The following MAGI2 variants were observed in gnomAD, a reference collection of about 807,000 sequenced individuals.
MAGI2 encodes the protein membrane associated guanylate kinase, WW and PDZ domain containing 2, also known as membrane-associated guanylate kinase, WW and PDZ domain-containing protein 2.
Under a neutral mutation model 133.3 loss-of-function variants are expected in MAGI2, and 35 were observed. The observed-to-expected ratio is 0.26, with a 90% CI of 0.20 to 0.35. The LOEUF (loss-of-function observed/expected upper bound fraction) is 0.35. Ranked by LOEUF, MAGI2 falls within the 10% of genes least tolerant of loss-of-function variation. The pLI is 1.00. For synonymous variants in MAGI2, 729 were observed against 710.6 expected, an observed-to-expected ratio of 1.03 and a Z score of -0.41; for missense variants, 1,636 against 1,863.4, an observed-to-expected ratio of 0.88 and a Z score of 2.25.
chr7:78,992,096 T>C (rs190810718), intron 2 of MAGI2, among the ~76,000 whole-genome samples: 2 of 152,248 alleles, frequency 1.3e-5, no homozygotes, highest in African/African-American at 4.8e-5. Flanking sequence ...GTCATTATTG[T>C]TAAACAAAGA....
At chr7:79,360,170 G>T (rs1366590981) in intron 1 of MAGI2, among the ~76,000 whole-genome samples, 1 of 152,072 alleles carries the variant, frequency 6.6e-6, no homozygotes, top group Non-Finnish European at 1.5e-5. Context: ...ACTATATTTT[G>T]TAAGTGTAAA....
chr7:79,395,239 A>G (rs35831489), intron 1 of MAGI2, among the ~76,000 whole-genome samples: 7,346 of 152,306 alleles, frequency 0.048, 341 homozygotes, highest in East Asian at 0.18. Context: ...AGATAAAGGA[A>G]TATAACATTG....
At chr7:78,154,252 C>A (rs1824168319) in intron 16 of MAGI2, among the ~76,000 whole-genome samples, 1 of 152,226 alleles carries the variant, frequency 6.6e-6, no homozygotes, top group Admixed American at 6.5e-5. Flanking sequence ...TAACTAATTC[C>A]TTCCCTGAGC....
chr7:78,817,671 C>T (rs1007398292), intron 2 of MAGI2, among the ~76,000 whole-genome samples: 1 of 151,726 alleles, frequency 6.6e-6, no homozygotes, highest in Non-Finnish European at 1.5e-5. Flanking sequence ...ATTTTTTAGA[C>T]ATAATGCAAT....
At position 78,019,804 on chromosome 7, in the gene MAGI2, G is replaced by T; in HGVS notation, c.3879C>A (p.Asp1293Glu). The change falls in exon 22 of 22, where the codon GAC becomes GAA. Residue 1293 changes from aspartate (D) to glutamate (E), a missense_variant. Around this residue, in one of 5 missense-constraint regions of MAGI2, gnomAD observed 354 missense variants for 298.7 expected, o/e 1.19. Coordinates refer to ENST00000354212, the MANE Select transcript of MAGI2 (RefSeq NM_012301.4). ...CTGAAAGCTCCTTTGGTTTCCTAAC[G>T]TCGTGTTCCCGTTTGATATCCCAAG... ...GPTWDIKREH[D>E]VRKPKELSAC... 1 of 1,613,334 alleles carries T rather than the reference G, an allele frequency of 6.2e-7. No individual in the cohort carries two copies. The highest frequency in any genetic ancestry group is 1.7e-5 in the Admixed American group (1 of 60,006).
At chr7:79,208,212 C>T (rs1456935188) in intron 1 of MAGI2, among the ~76,000 whole-genome samples, 1 of 151,730 alleles carries the variant, frequency 6.6e-6, no homozygotes, top group East Asian at 1.9e-4. Flanking sequence ...AAAGCTTCTG[C>T]ACAACGAAGG....
At chr7:78,077,075 C>T (rs953426616) in intron 21 of MAGI2, among the ~76,000 whole-genome samples, 4 of 151,954 alleles carry the variant, frequency 2.6e-5, no homozygotes, top group Non-Finnish European at 4.4e-5. Flanking sequence ...GCTGAGAAAG[C>T]GGGGACCAAT....
intron 2 of MAGI2, among the ~76,000 whole-genome samples, chr7:78,965,809 CTT>C (rs1407300045): frequency 6.6e-6 from 1 of 151,938 alleles, no homozygotes; most frequent in African/African-American, 2.4e-5. Flanking sequence ...TAAAATAACT[CTT>C]GTCTGAATGT....
At chr7:78,611,536 AT>A (rs1806441016) in intron 3 of MAGI2, among the ~76,000 whole-genome samples, 1 of 152,150 alleles carries the variant, frequency 6.6e-6, no homozygotes, top group African/African-American at 2.4e-5. Context: ...ACTTTTTACT[AT>A]CTTCTGCATT....
intron 1 of MAGI2, among the ~76,000 whole-genome samples, chr7:79,173,972 G>A (rs974712222): frequency 2.6e-5 from 4 of 151,894 alleles, no homozygotes; most frequent in African/African-American, 7.2e-5. Context: ...TGAACCACAG[G>A]CAGTTTTTTT....
intron 2 of MAGI2, among the ~76,000 whole-genome samples, chr7:78,631,667 A>G (rs1471443964): frequency 2.0e-5 from 3 of 152,202 alleles, no homozygotes; most frequent in Non-Finnish European, 4.4e-5. Context: ...CTTGATGGAA[A>G]ATGTGAGAAG....
intron 1 of MAGI2, among the ~76,000 whole-genome samples, chr7:79,386,129 C>A (rs1342380581): frequency 2.0e-5 from 3 of 151,832 alleles, no homozygotes; most frequent in African/African-American, 7.3e-5. Context: ...GTTTCCTCAA[C>A]AACTCTGGGA....
intron 10 of MAGI2, among the ~76,000 whole-genome samples, chr7:78,213,163 T>C (rs1787936398): frequency 7.2e-6 from 1 of 139,098 alleles, no homozygotes; most frequent in South Asian, 2.2e-4. Flanking sequence ...TCCTGGACTA[T>C]AGCAAGAGCA....
chr7:79,265,650 A>G lies in MAGI2; in HGVS notation c.301+187370T>C, dbSNP rs560727564. On this transcript the variant is annotated intron_variant, in intron 1 of 21. Coordinates refer to ENST00000354212, the MANE Select transcript of MAGI2 (RefSeq NM_012301.4). ...TCTTGAATGTTACGTTTTAAAGACA[A>G]TGCTATATTGCATGCTACAAGTAAG... is the stretch of plus-strand genomic sequence containing the variant. Among the ~76,000 whole-genome samples the G allele has an allele frequency of 4.3e-4, 65 of 152,326 alleles. No homozygotes were observed. The South Asian group carries it at 0.012, about 29-fold the overall frequency.
At chr7:79,016,767 A>T (rs892520500) in intron 1 of MAGI2, among the ~76,000 whole-genome samples, 4 of 152,100 alleles carry the variant, frequency 2.6e-5, no homozygotes, top group Non-Finnish European at 5.9e-5. Context: ...GGAGACTGTC[A>T]GCCCCACACC....
intron 21 of MAGI2, among the ~76,000 whole-genome samples, chr7:78,053,373 CT>C (rs1463115993): frequency 5.3e-5 from 8 of 152,198 alleles, no homozygotes; most frequent in Non-Finnish European, 2.9e-5. Flanking sequence ...GTGTTGTCCC[CT>C]GTCTGAGGGT....
intron 10 of MAGI2, among the ~76,000 whole-genome samples, chr7:78,249,381 T>C (rs994840213): frequency 6.6e-6 from 1 of 152,066 alleles, no homozygotes; most frequent in African/African-American, 2.4e-5. Flanking sequence ...GAAAATAAAA[T>C]GAATATGTCA....
chr7:78,191,070 A>G (rs1278989862), intron 12 of MAGI2, among the ~76,000 whole-genome samples: 1 of 152,142 alleles, frequency 6.6e-6, no homozygotes, highest in East Asian at 1.9e-4. Flanking sequence ...TTTTCTGGGA[A>G]TTGGTAGTAA....
At chr7:79,443,403 CCTT>C (rs1269591716) in intron 1 of MAGI2, among the ~76,000 whole-genome samples, 2 of 151,634 alleles carry the variant, frequency 1.3e-5, no homozygotes, top group African/African-American at 4.9e-5. Flanking sequence ...AAGCGAGACT[CCTT>C]CTTAAAAAAA....
Sources: gnomAD v4.1 joint callset for allele counts (sites outside exome capture counted in the v4.1 genomes callset) on GRCh38, gnomAD v4.1.1 for gene constraint, gnomAD v4.1.1 regional missense constraint, MANE v1.5 for transcripts, NCBI Gene and HGNC (gene_info 2026-07-23, HGNC 2026-07-21) for gene names.